Variants in TRIM44 observed in about 807,000 individuals in gnomAD.
TRIM44 encodes tripartite motif containing 44, also known as tripartite motif-containing protein 44.
TRIM44 carries 13 observed loss-of-function variants against 37.4 expected under a neutral mutation model. That is an observed-to-expected ratio of 0.35 (90% confidence interval 0.23 to 0.55). The LOEUF (loss-of-function observed/expected upper bound fraction) is 0.55. Ranked by LOEUF, TRIM44 falls within the 20% of genes least tolerant of loss-of-function variation. The pLI, the probability that TRIM44 is intolerant of heterozygous loss-of-function variation, is 0.89. For synonymous variants in TRIM44, 175 were observed against 157.2 expected, an observed-to-expected ratio of 1.11 and a Z score of -0.85; for missense variants, 426 against 437.2, an observed-to-expected ratio of 0.97 and a Z score of 0.23.
At chr11:35,756,361 C>G (rs1462034745) in intron 4 of TRIM44, among the ~76,000 whole-genome samples, 2 of 152,074 alleles carry the variant, frequency 1.3e-5, no homozygotes, top group Admixed American at 6.5e-5. Flanking sequence ...ATTTTGTATC[C>G]TGAGACTTTG....
intron 4 of TRIM44, among the ~76,000 whole-genome samples, chr11:35,791,097 A>G (rs1853203636): frequency 6.6e-6 from 1 of 152,092 alleles, no homozygotes; most frequent in African/African-American, 2.4e-5. Context: ...TGGACAAGTG[A>G]GTCTGGCTTT....
chr11:35,794,175 A>G (rs1853252524), intron 4 of TRIM44, among the ~76,000 whole-genome samples: 1 of 152,182 alleles, frequency 6.6e-6, no homozygotes, highest in East Asian at 1.9e-4. Context: ...GCCTCAGCTG[A>G]CATTTCATCT....
At chr11:35,686,378 T>G (rs1242623701) in intron 2 of TRIM44, among the ~76,000 whole-genome samples, 5 of 151,598 alleles carry the variant, frequency 3.3e-5, no homozygotes, top group African/African-American at 1.2e-4. Context: ...GTTTTTGTTT[T>G]TTTTTTTTTT....
intron 2 of TRIM44, among the ~76,000 whole-genome samples, chr11:35,700,979 G>A (rs1851780536): frequency 6.6e-6 from 1 of 152,062 alleles, no homozygotes; most frequent in Admixed American, 6.5e-5. Context: ...CTACACAGAA[G>A]ATTCAGTAGT....
intron 4 of TRIM44, among the ~76,000 whole-genome samples, chr11:35,796,855 C>CAT (rs926063116): frequency 1.3e-5 from 2 of 152,176 alleles, no homozygotes; most frequent in African/African-American, 4.8e-5. Flanking sequence ...CCCATACATG[C>CAT]ATATATATGC....
intron 1 of TRIM44, among the ~76,000 whole-genome samples, chr11:35,676,479 TC>T (rs1312498156): frequency 6.6e-6 from 1 of 152,222 alleles, no homozygotes; most frequent in Non-Finnish European, 1.5e-5. Flanking sequence ...TATTTCAGTG[TC>T]CTGCTGGTGC....
chr11:35,776,116 G>A (rs1230785769), intron 4 of TRIM44, among the ~76,000 whole-genome samples: 2 of 152,134 alleles, frequency 1.3e-5, no homozygotes, highest in Non-Finnish European at 2.9e-5. Context: ...TTTTTGGTTG[G>A]TAGGCTCTTA....
At chr11:35,773,977 G>T (rs1422262042) in intron 4 of TRIM44, among the ~76,000 whole-genome samples, 1 of 152,180 alleles carries the variant, frequency 6.6e-6, no homozygotes, top group Non-Finnish European at 1.5e-5. Context: ...AATCCTTTGG[G>T]TATATACCCA....
intron 2 of TRIM44, among the ~76,000 whole-genome samples, chr11:35,704,700 C>G (rs1379746439): frequency 6.6e-6 from 1 of 152,170 alleles, no homozygotes; most frequent in African/African-American, 2.4e-5. Context: ...ACTTTACAGA[C>G]AAGCAAATGC....
chr11:35,814,202 G>A lies in TRIM44; in HGVS notation c.*7817G>A, dbSNP rs1853556273. The stretch of plus-strand genomic sequence containing the variant: ...TACACAATTTAACCTGTAATAACAG[G>A]TTCTCACTTGTATTTCTCCAGCTCT... On this transcript the variant is annotated 3_prime_UTR_variant, in exon 5 of 5. Coordinates refer to ENST00000299413, the MANE Select transcript of TRIM44 (RefSeq NM_017583.6). 1 of 152,190 alleles carries A rather than the reference G, an allele frequency of 6.6e-6. No homozygotes were observed. The highest frequency in any genetic ancestry group is 2.1e-4 in the South Asian group (1 of 4,826). The allele number at this position is 152,190 out of a possible 1,614,324, so 9.4% of individuals were successfully genotyped here.
At chr11:35,746,878 G>A (rs904025557) in intron 4 of TRIM44, among the ~76,000 whole-genome samples, 1 of 152,128 alleles carries the variant, frequency 6.6e-6, no homozygotes, top group African/African-American at 2.4e-5. Flanking sequence ...TTCCTTCTTA[G>A]CACCACTACC....
At chr11:35,694,229 G>A (rs571840547) in intron 2 of TRIM44, among the ~76,000 whole-genome samples, 15 of 152,284 alleles carry the variant, frequency 9.9e-5, no homozygotes, top group Admixed American at 2.0e-4. Flanking sequence ...CTATAGAGCC[G>A]ATTACGTGGG....
chr11:35,703,180 T>C (rs1325243486), intron 2 of TRIM44, among the ~76,000 whole-genome samples: 1 of 152,126 alleles, frequency 6.6e-6, no homozygotes, highest in Non-Finnish European at 1.5e-5. Context: ...GAGATAAACC[T>C]GCAAGGCGGA....
chr11:35,687,674 T>C (rs1290745627), intron 2 of TRIM44, among the ~76,000 whole-genome samples: 2 of 152,194 alleles, frequency 1.3e-5, no homozygotes, highest in Non-Finnish European at 2.9e-5. Flanking sequence ...TGAATGCATG[T>C]AGTGCTTCTG....
intron 4 of TRIM44, among the ~76,000 whole-genome samples, chr11:35,742,925 A>AT (rs1383763935): frequency 8.6e-5 from 13 of 151,342 alleles, no homozygotes; most frequent in Non-Finnish European, 1.6e-4. Context: ...ACAGCTAAAA[A>AT]GTGGTAGAGC....
At chr11:35,739,832 A>C (rs1243300614) in intron 4 of TRIM44, among the ~76,000 whole-genome samples, 4 of 152,260 alleles carry the variant, frequency 2.6e-5, no homozygotes, top group Admixed American at 6.5e-5. Context: ...ACTGCTGTGG[A>C]GTCATCATTT....
At position 35,806,265 on chromosome 11, in the gene TRIM44, G is replaced by A. The variant is rs545573742; in HGVS notation, c.1008-93G>A. 115 of 1,372,068 alleles carry A rather than the reference G, an allele frequency of 8.4e-5. No individual in the cohort carries two copies. The South Asian group carries it at 1.3e-3, about 15-fold the overall frequency. The allele number at this position is 1,372,068 out of a possible 1,614,324, so 85.0% of individuals were successfully genotyped here. On this transcript the variant is annotated intron_variant, in intron 4 of 4. Coordinates refer to ENST00000299413, the MANE Select transcript of TRIM44 (RefSeq NM_017583.6). ...GTAGTTAAGACTTAATTCCAGGTAT[G>A]TCTGACATAAAGTCTGTGCTATCAA...
At chr11:35,715,802 G>A (rs550918101) in intron 2 of TRIM44, among the ~76,000 whole-genome samples, 16 of 152,226 alleles carry the variant, frequency 1.1e-4, no homozygotes, top group Middle Eastern at 3.4e-3. Flanking sequence ...CAGTCATTGT[G>A]GAAGGTGAAG....
intron 1 of TRIM44, among the ~76,000 whole-genome samples, chr11:35,677,848 GA>G (rs1413152740): frequency 6.6e-6 from 1 of 152,168 alleles, no homozygotes. Flanking sequence ...TAAGTACTGT[GA>G]ATAAACAAAC....
Sources: allele counts gnomAD v4.1 joint callset (sites outside exome capture counted in the v4.1 genomes callset), GRCh38; gene constraint gnomAD v4.1.1; transcripts MANE v1.5; gene names NCBI Gene and HGNC (gene_info 2026-07-23, HGNC 2026-07-21).